The following GTF2I variants were observed in gnomAD, a reference collection of about 807,000 sequenced individuals.
GTF2I encodes general transcription factor IIi.
Under a neutral mutation model 67.6 loss-of-function variants are expected in GTF2I, and 12 were observed. The observed-to-expected ratio is 0.18, with a 90% confidence interval of 0.11 to 0.29. The LOEUF is 0.29. Ranked by LOEUF, GTF2I falls within the 10% of genes least tolerant of loss-of-function variation. GTF2I has a pLI of 1.00. For missense variants in GTF2I, 271 were observed against 580.1 expected (o/e 0.47, Z 5.47); for synonymous variants, 149 against 197.0 (o/e 0.76, Z 2.04).
intron 3 of GTF2I, among the ~76,000 whole-genome samples, chr7:74,696,202 G>A (rs1788879958): frequency 6.6e-6 from 1 of 151,646 alleles, no homozygotes; most frequent in Non-Finnish European, 1.5e-5. Context: ...GGCTGGTCTC[G>A]AACTCCTTAC....
chr7:74,693,043 T>G (rs1584154103), intron 3 of GTF2I, among the ~76,000 whole-genome samples: 1 of 152,102 alleles, frequency 6.6e-6, no homozygotes, highest in Non-Finnish European at 1.5e-5. Flanking sequence ...ATTACAGGCA[T>G]GAGCCACTGT....
In GTF2I at chr7:74,733,942, A is replaced by G. The variant is rs1554407205; in HGVS notation, c.1324A>G (p.Thr442Ala). 6.2e-7 allele frequency: 1 copy of G among 1,611,656 alleles called. No individual in the cohort carries two copies. ...TTTCAGACATGAGCTTCTGAATTCA[A>G]CACGTGAAGATTTACAGCTTGATAA... ...VIKKHELLNS[T>A]REDLQLDKPA... The change falls in exon 16 of 35, where the codon ACA becomes GCA. Residue 442 changes from threonine (T) to alanine (A), a missense_variant. Thr to Ala is a moderately conservative substitution (Grantham distance 58, BLOSUM62 0). Transcript: ENST00000573035.
At chr7:74,710,795 A>G (rs1791444158) in intron 8 of GTF2I, among the ~76,000 whole-genome samples, 1 of 152,228 alleles carries the variant, frequency 6.6e-6, no homozygotes, top group Admixed American at 6.5e-5. Context: ...TTGCTGGAGA[A>G]AAGAGCAGCA....
chr7:74,681,538 G>A (rs782414347), intron 1 of GTF2I, among the ~76,000 whole-genome samples: 30 of 152,112 alleles, frequency 2.0e-4, no homozygotes, highest in Non-Finnish European at 1.2e-4. Flanking sequence ...AGTATATCCC[G>A]TGTCATCTTG....
At chr7:74,676,058 A>C (rs797036687) in intron 1 of GTF2I, among the ~76,000 whole-genome samples, 1 of 152,036 alleles carries the variant, frequency 6.6e-6, no homozygotes, top group African/African-American at 2.4e-5. Flanking sequence ...GAGAATGGGG[A>C]ATTGAGGACA....
At chr7:74,688,082 A>G (rs898787521) in intron 1 of GTF2I, among the ~76,000 whole-genome samples, 9 of 152,072 alleles carry the variant, frequency 5.9e-5, no homozygotes. Context: ...TAAAATATAC[A>G]TAATTTTTTT....
At chr7:74,750,187 T>C (rs868931198) in intron 26 of GTF2I, among the ~76,000 whole-genome samples, 3 of 90,592 alleles carry the variant, frequency 3.3e-5, no homozygotes, top group Non-Finnish European at 7.3e-5. Flanking sequence ...ATCCCAGCAC[T>C]GTGGGAGGCT....
intron 1 of GTF2I, among the ~76,000 whole-genome samples, chr7:74,660,892 C>T (rs1584050262): frequency 6.6e-6 from 1 of 152,176 alleles, no homozygotes; most frequent in South Asian, 2.1e-4. Flanking sequence ...CCCTCCACTT[C>T]CCCCTCCAGT....
intron 1 of GTF2I, among the ~76,000 whole-genome samples, chr7:74,673,129 G>C (rs782016952): frequency 6.6e-6 from 1 of 152,068 alleles, no homozygotes; most frequent in African/African-American, 2.4e-5. Context: ...CAAAGTGCTG[G>C]GATTACAGGC....
intron 9 of GTF2I, among the ~76,000 whole-genome samples, chr7:74,714,064 C>T (rs1554403119): frequency 6.6e-6 from 1 of 152,070 alleles, no homozygotes. Flanking sequence ...CAATTCTCTT[C>T]AGAGATAGTT....
chr7:74,733,918 T>C lies in GTF2I; in HGVS notation c.1305-5T>C. ...GATTATTGAGTATTTATTCTCACCT[T>C]TCAGACATGAGCTTCTGAATTCAAC... is the stretch of plus-strand genomic sequence containing the variant. On this transcript the variant is annotated splice_region_variant and splice_polypyrimidine_tract_variant and intron_variant, in intron 15 of 34. Coordinates refer to ENST00000573035, the MANE Select transcript of GTF2I (RefSeq NM_032999.4). The C allele has an allele frequency of 1.2e-6, 2 of 1,611,466 alleles. No homozygotes were observed. Among genetic ancestry groups the C allele is most frequent in the Non-Finnish European group, 1.7e-6 (2 of 1,179,664 alleles).
chr7:74,732,281 G>A (rs1335665151), intron 14 of GTF2I, among the ~76,000 whole-genome samples, 198 bp from the exon 15 acceptor site: 1 of 151,748 alleles, frequency 6.6e-6, no homozygotes, highest in Non-Finnish European at 1.5e-5. Flanking sequence ...GGCTGAGGCA[G>A]GAGAATGGCG....
At chr7:74,711,595 C>T (rs1372184965) in intron 9 of GTF2I, among the ~76,000 whole-genome samples, 1 of 151,840 alleles carries the variant, frequency 6.6e-6, no homozygotes, top group Admixed American at 6.6e-5. Context: ...TATTCATTGC[C>T]CTGCCCAGTA....
At chr7:74,667,827 C>T (rs1193243184) in intron 1 of GTF2I, among the ~76,000 whole-genome samples, 3 of 150,622 alleles carry the variant, frequency 2.0e-5, no homozygotes, top group Non-Finnish European at 4.4e-5. Context: ...CTGATTTTAC[C>T]AAAAGAAACT....
chr7:74,667,926 C>A (rs1035229067), intron 1 of GTF2I, among the ~76,000 whole-genome samples: 3 of 151,276 alleles, frequency 2.0e-5, no homozygotes, highest in Non-Finnish European at 2.9e-5. Context: ...CTCCATCTCC[C>A]GGGTTCAAGT....
intron 1 of GTF2I, among the ~76,000 whole-genome samples, chr7:74,683,073 G>A (rs1684163397): frequency 6.6e-6 from 1 of 152,168 alleles, no homozygotes; most frequent in African/African-American, 2.4e-5. Flanking sequence ...AGTAGGATAG[G>A]AGATAGAGAA....
At chr7:74,658,584 G>A (rs2131160047) in intron 1 of GTF2I, among the ~76,000 whole-genome samples, 1 of 150,770 alleles carries the variant, frequency 6.6e-6, no homozygotes, top group Non-Finnish European at 1.5e-5. Flanking sequence ...CTCCTGCGCC[G>A]GGGCAGCAGA....
At position 74,741,074 on chromosome 7, in the gene GTF2I, G is replaced by T. The variant is rs1164530150; in HGVS notation, c.1679-2375G>T. On this transcript the variant is annotated intron_variant, in intron 19 of 34. Transcript: ENST00000573035. ...TAATAGCTTTTTTGTTTGTTTGTTTGTTTTTTAAATTTTGATGCTTAAAAG... is the reference window on the plus strand; with the variant it reads ...TAATAGCTTTTTTGTTTGTTTGTTTTTTTTTTAAATTTTGATGCTTAAAAG... Among the ~76,000 whole-genome samples, 2 of 35,926 alleles carry T rather than the reference G, an allele frequency of 5.6e-5. 1 individual carries two copies. Among genetic ancestry groups the T allele is most frequent in the African/African-American group, 2.5e-4 (2 of 8,106 alleles). 23.6% of individuals were successfully genotyped at this position (35,926 alleles called of 152,430 possible).
chr7:74,690,261 G>A (rs1250403894), intron 2 of GTF2I, among the ~76,000 whole-genome samples: 1 of 151,924 alleles, frequency 6.6e-6, no homozygotes, highest in Non-Finnish European at 1.5e-5. Flanking sequence ...TTCCCAGGTT[G>A]TTATGGTGGT....
Sources: gnomAD v4.1 joint callset for allele counts (sites outside exome capture counted in the v4.1 genomes callset) on GRCh38, gnomAD v4.1.1 for gene constraint, MANE v1.5 for transcripts, NCBI Gene and HGNC (gene_info 2026-07-23, HGNC 2026-07-21) for gene names.